TMEM132B: variants seen among roughly 807,000 people sequenced by gnomAD.
The protein encoded by TMEM132B is transmembrane protein 132B.
TMEM132B carries 18 observed loss-of-function variants against 90.8 expected under a neutral mutation model. The ratio of observed to expected loss-of-function variants is 0.20; its 90% CI spans 0.14 to 0.29. The LOEUF (loss-of-function observed/expected upper bound fraction) is 0.29. Among genes scored for constraint, TMEM132B ranks in the 10% least tolerant of loss-of-function variants. The probability of loss-of-function intolerance (pLI) is 1.00; values close to 1 mark genes in which losing one functional copy is unlikely to be tolerated. For synonymous variants in TMEM132B, 504 were observed against 523.3 expected (o/e 0.96, Z 0.50); for missense variants, 1,096 against 1,326.8 (o/e 0.83, Z 2.70).
At chr12:125,485,194 T>C (rs1200719954) in intron 3 of TMEM132B, among the ~76,000 whole-genome samples, 3 of 152,218 alleles carry the variant, frequency 2.0e-5, no homozygotes, top group Admixed American at 6.5e-5. Flanking sequence ...AAAATCAGTC[T>C]GGTGTCTCTT....
chr12:125,324,602 CG>C (rs1876513180), intron 1 of TMEM132B, among the ~76,000 whole-genome samples: 1 of 152,198 alleles, frequency 6.6e-6, no homozygotes, highest in African/African-American at 2.4e-5. Context: ...TGCCTCCTGT[CG>C]GATCAGCGGC....
chr12:125,466,429 A>G (rs1348440397), intron 3 of TMEM132B, among the ~76,000 whole-genome samples: 1 of 152,224 alleles, frequency 6.6e-6, no homozygotes, highest in Non-Finnish European at 1.5e-5. Flanking sequence ...AGTTCTCACC[A>G]GGACAACCAA....
chr12:125,643,299 T>C (rs1347855216), intron 5 of TMEM132B, among the ~76,000 whole-genome samples: 1 of 152,214 alleles, frequency 6.6e-6, no homozygotes, highest in Non-Finnish European at 1.5e-5. Flanking sequence ...CCTCTGCTCA[T>C]GAAACGATTT....
chr12:125,603,113 T>G (rs780605943), intron 5 of TMEM132B, among the ~76,000 whole-genome samples: 25 of 152,168 alleles, frequency 1.6e-4, no homozygotes, highest in Non-Finnish European at 3.2e-4. Context: ...CTACTTTAAA[T>G]TTCATATGGA....
intron 1 of TMEM132B, among the ~76,000 whole-genome samples, chr12:125,205,466 G>A (rs1467134634): frequency 6.6e-6 from 1 of 152,094 alleles, no homozygotes. Context: ...AGCCCTTTGT[G>A]TAGAGTATCT....
chr12:125,630,936 A>G (rs1424510281), intron 5 of TMEM132B, among the ~76,000 whole-genome samples: 1 of 152,004 alleles, frequency 6.6e-6, no homozygotes, highest in Admixed American at 6.6e-5. Flanking sequence ...TTAGAAAAAA[A>G]CAACTTTTTG....
intron 1 of TMEM132B, among the ~76,000 whole-genome samples, chr12:125,334,852 A>G (rs1284505792): frequency 6.6e-6 from 1 of 152,250 alleles, no homozygotes; most frequent in Non-Finnish European, 1.5e-5. Flanking sequence ...GTTCAAAGAC[A>G]CAACTCTTAA....
chr12:125,570,538 T>G (rs1333758356), intron 4 of TMEM132B, among the ~76,000 whole-genome samples: 1 of 152,214 alleles, frequency 6.6e-6, no homozygotes, highest in African/African-American at 2.4e-5. Context: ...TGTCTCTGAG[T>G]GCTATCCTAT....
chr12:125,533,357 G>A (rs1883698433), intron 4 of TMEM132B, among the ~76,000 whole-genome samples: 1 of 152,166 alleles, frequency 6.6e-6, no homozygotes, highest in South Asian at 2.1e-4. Context: ...GGGTGGTGTG[G>A]CCACTGGCCA....
chr12:125,560,854 A>AAAAAAAAAG, intron 4 of TMEM132B, among the ~76,000 whole-genome samples: 1 of 149,010 alleles, frequency 6.7e-6, no homozygotes, highest in Non-Finnish European at 1.5e-5. Context: ...AAAAAAAAAA[A>AAAAAAAAAG]AAAAAAGTCA....
At chr12:125,348,675 C>T (rs112657726) in intron 1 of TMEM132B, among the ~76,000 whole-genome samples, 3,152 of 152,180 alleles carry the variant, frequency 0.021, 111 homozygotes, top group African/African-American at 0.072. Flanking sequence ...TGCGGCAACC[C>T]AGTAAGGTAG....
chr12:125,210,073 C>G (rs536887978), intron 1 of TMEM132B, among the ~76,000 whole-genome samples: 1 of 152,116 alleles, frequency 6.6e-6, no homozygotes. Context: ...ACAGTCAGAT[C>G]GGGGAGGCAG....
intron 4 of TMEM132B, among the ~76,000 whole-genome samples, chr12:125,573,486 T>G (rs1187852050): frequency 6.6e-6 from 1 of 152,222 alleles, no homozygotes; most frequent in Non-Finnish European, 1.5e-5. Context: ...AAAACAAACC[T>G]AACTAGAATT....
At chr12:125,425,970 G>A (rs940395715) in intron 3 of TMEM132B, among the ~76,000 whole-genome samples, 12 of 152,148 alleles carry the variant, frequency 7.9e-5, no homozygotes, top group Admixed American at 3.3e-4. Flanking sequence ...GCCAAGGAGC[G>A]CAATTGCTGG....
chr12:125,538,476 T>C (rs2136718053), intron 4 of TMEM132B, among the ~76,000 whole-genome samples: 1 of 152,346 alleles, frequency 6.6e-6, no homozygotes, highest in East Asian at 1.9e-4. Flanking sequence ...AGTGATCAGC[T>C]GTTAGACAGT....
intron 3 of TMEM132B, among the ~76,000 whole-genome samples, chr12:125,436,824 G>T (rs759241829): frequency 1.3e-5 from 2 of 152,134 alleles, no homozygotes; most frequent in Non-Finnish European, 2.9e-5. Context: ...ATAGAACTAT[G>T]GCTGAACTAT....
At chr12:125,379,314 C>G (rs533570058) in intron 2 of TMEM132B, among the ~76,000 whole-genome samples, 17 of 151,992 alleles carry the variant, frequency 1.1e-4, no homozygotes, top group African/African-American at 4.1e-4. Flanking sequence ...TTCAATGGGA[C>G]GAGGGAAGCA....
intron 1 of TMEM132B, among the ~76,000 whole-genome samples, chr12:125,215,069 C>G (rs376611468): frequency 2.0e-5 from 3 of 152,236 alleles, no homozygotes; most frequent in Non-Finnish European, 4.4e-5. Context: ...CCCCTATTGC[C>G]AGCCTCTTGG....
intron 6 of TMEM132B, among the ~76,000 whole-genome samples, chr12:125,646,709 C>A (rs73220958): frequency 1.3e-5 from 2 of 152,264 alleles, no homozygotes; most frequent in African/African-American, 4.8e-5. Flanking sequence ...AGGACATATG[C>A]ACTAAAACAA....
Sources: allele counts gnomAD v4.1 joint callset (sites outside exome capture counted in the v4.1 genomes callset), GRCh38; gene constraint gnomAD v4.1.1; transcripts MANE v1.5; gene names NCBI Gene and HGNC (gene_info 2026-07-23, HGNC 2026-07-21).